The following NCALD variants were observed in gnomAD, a reference collection of about 807,000 sequenced individuals.
NCALD encodes the protein neurocalcin-delta.
NCALD carries 10 observed loss-of-function variants against 18.6 expected under a neutral mutation model. That is an observed-to-expected ratio of 0.54 (90% CI 0.33 to 0.91). The LOEUF is 0.91. Ranked by LOEUF, NCALD falls within the 40% of genes least tolerant of loss-of-function variation. The pLI, the probability that NCALD is intolerant of heterozygous loss-of-function variation, is 0.03. For synonymous variants in NCALD, 88 were observed against 87.4 expected (o/e 1.01, Z -0.04); for missense variants, 184 against 247.6 (o/e 0.74, Z 1.72).
At chr8:101,937,148 C>T (rs1163430200) in intron 2 of NCALD, among the ~76,000 whole-genome samples, 1 of 152,028 alleles carries the variant, frequency 6.6e-6, no homozygotes, top group Non-Finnish European at 1.5e-5. Flanking sequence ...TTAAAACAGA[C>T]ATCATTCTAG....
intron 1 of NCALD, among the ~76,000 whole-genome samples, chr8:101,786,682 C>A (rs1185468685): frequency 6.6e-6 from 1 of 152,144 alleles, no homozygotes; most frequent in Non-Finnish European, 1.5e-5. Context: ...AAAAATTCAT[C>A]CTTGCATAAA....
intron 4 of NCALD, among the ~76,000 whole-genome samples, chr8:101,879,437 C>G (rs1816381727): frequency 6.6e-6 from 1 of 152,056 alleles, no homozygotes; most frequent in Admixed American, 6.5e-5. Flanking sequence ...TTCGTGGTCT[C>G]GCTGGCCTCA....
chr8:101,776,835 C>A (rs1811811939), intron 1 of NCALD, among the ~76,000 whole-genome samples: 1 of 152,086 alleles, frequency 6.6e-6, no homozygotes, highest in Non-Finnish European at 1.5e-5. Flanking sequence ...TTACTGACAC[C>A]TATTGAACTG....
intron 1 of NCALD, among the ~76,000 whole-genome samples, chr8:102,078,699 T>C (rs1313079306): frequency 6.6e-6 from 1 of 152,240 alleles, no homozygotes. Flanking sequence ...TTGCAGGCTC[T>C]GCCCATGATT....
chr8:101,779,306 C>T (rs778415070), intron 1 of NCALD, among the ~76,000 whole-genome samples: 2 of 152,116 alleles, frequency 1.3e-5, no homozygotes, highest in Admixed American at 1.3e-4. Flanking sequence ...AATGGTAGCA[C>T]AGAGGGCTTA....
chr8:102,100,079 G>GA (rs202036771), intron 1 of NCALD, among the ~76,000 whole-genome samples: 71 of 149,688 alleles, frequency 4.7e-4, no homozygotes, highest in African/African-American at 1.2e-3. Flanking sequence ...AATACTCACT[G>GA]AAAAAAAAAT....
intron 1 of NCALD, among the ~76,000 whole-genome samples, chr8:101,742,151 G>C (rs1487255522): frequency 1.3e-5 from 2 of 151,016 alleles, no homozygotes; most frequent in African/African-American, 2.4e-5. Context: ...TATGTGGGAG[G>C]CTGAGGCAGG....
chr8:102,000,122 T>A (rs1821395622), intron 2 of NCALD, among the ~76,000 whole-genome samples: 1 of 152,034 alleles, frequency 6.6e-6, no homozygotes, highest in Non-Finnish European at 1.5e-5. Flanking sequence ...GGTTGGGGAG[T>A]TCCCTTTCCT....
intron 4 of NCALD, among the ~76,000 whole-genome samples, chr8:101,883,631 T>C (rs570379092): frequency 6.6e-6 from 1 of 152,360 alleles, no homozygotes; most frequent in African/African-American, 2.4e-5. Context: ...ACATCTGTCC[T>C]AAGCATCCTC....
chr8:102,007,743 C>A lies in NCALD; in HGVS notation c.-157+12494G>T, dbSNP rs147311350. Among the ~76,000 whole-genome samples the A allele has an allele frequency of 2.3e-3, 345 of 152,314 alleles. 2 individuals carry two copies. The highest frequency in any genetic ancestry group is 7.8e-3 in the African/African-American group (325 of 41,552). Reference sequence around the variant, plus strand: ...CAATGACACTAGAGTCCTTCTACTTCCTCCTCCCTCTGAGATTAAGGTTTT... The same window carrying A: ...CAATGACACTAGAGTCCTTCTACTTACTCCTCCCTCTGAGATTAAGGTTTT... On this transcript the variant is annotated intron_variant, in intron 2 of 6. Transcript: ENST00000311028.
At chr8:101,945,845 G>A (rs956218556) in intron 2 of NCALD, among the ~76,000 whole-genome samples, 1 of 152,174 alleles carries the variant, frequency 6.6e-6, no homozygotes, top group Admixed American at 6.6e-5. Flanking sequence ...GTTGGTAAAC[G>A]AGGCTAAATG....
At position 101,756,855 on chromosome 8, in the gene NCALD, A is replaced by G. The variant is rs182326907; in HGVS notation, c.-20+34007T>C. ...TATTAGAATCTCTACTATGCAGTACATAAGGAATTGACTGACTTTTTCACC... is the reference window on the plus strand; with the variant it reads ...TATTAGAATCTCTACTATGCAGTACGTAAGGAATTGACTGACTTTTTCACC... On this transcript the variant is annotated intron_variant, in intron 1 of 3. Transcript: ENST00000220931. Among the ~76,000 whole-genome samples, 5 of 152,328 alleles carry G rather than the reference A, an allele frequency of 3.3e-5. No homozygotes were observed. In the East Asian group the frequency reaches 9.7e-4, roughly 29 times the overall value.
At chr8:102,101,036 T>C (rs908542254) in intron 1 of NCALD, among the ~76,000 whole-genome samples, 23 of 152,182 alleles carry the variant, frequency 1.5e-4, no homozygotes, top group Non-Finnish European at 2.6e-4. Context: ...CATTTAAAAA[T>C]GGTTAAAATG....
intron 3 of NCALD, among the ~76,000 whole-genome samples, chr8:101,901,860 G>A (rs1028565435): frequency 4.6e-5 from 7 of 151,678 alleles, no homozygotes; most frequent in South Asian, 2.1e-4. Flanking sequence ...GCAGGATCTC[G>A]GCTCACTGCA....
chr8:102,096,608 C>T (rs962127403), intron 1 of NCALD, among the ~76,000 whole-genome samples: 1 of 152,100 alleles, frequency 6.6e-6, no homozygotes, highest in Non-Finnish European at 1.5e-5. Flanking sequence ...AGGAGTGTGA[C>T]CTTTGGAACT....
chr8:101,890,314 G>T (rs1051423391), intron 3 of NCALD, among the ~76,000 whole-genome samples: 1 of 152,134 alleles, frequency 6.6e-6, no homozygotes, highest in African/African-American at 2.4e-5. Context: ...GATAGTGGGG[G>T]TAGAAATTGA....
At chr8:102,033,371 C>G (rs538352057) in intron 1 of NCALD, among the ~76,000 whole-genome samples, 1 of 152,204 alleles carries the variant, frequency 6.6e-6, no homozygotes, top group East Asian at 1.9e-4. Context: ...AATCAACAAC[C>G]CCTAGAGAGT....
In NCALD at chr8:101,876,646, T is replaced by C. The variant is rs75639073; in HGVS notation, c.-20+10495A>G. Among the ~76,000 whole-genome samples, 75 of 152,308 alleles carry C rather than the reference T, an allele frequency of 4.9e-4. 1 individual carries two copies. In the East Asian group the frequency reaches 0.014, roughly 28 times the overall value. On this transcript the variant is annotated intron_variant, in intron 4 of 6. Coordinates refer to the NCALD transcript ENST00000311028. ...ACTCTGCCAAGCCACAGACTAAGCA[T>C]TTTGCTTAATACCATGGCAATGGAT...
intron 1 of NCALD, among the ~76,000 whole-genome samples, chr8:101,731,039 G>A (rs114919041): frequency 7.9e-4 from 120 of 152,278 alleles, no homozygotes; most frequent in African/African-American, 2.8e-3. Flanking sequence ...AGAAGCCAGG[G>A]AAGACCCCAC....
Sources: gnomAD v4.1 joint callset for allele counts (sites outside exome capture counted in the v4.1 genomes callset) on GRCh38, gnomAD v4.1.1 for gene constraint, MANE v1.5 for transcripts, NCBI Gene and HGNC (gene_info 2026-07-23, HGNC 2026-07-21) for gene names.